The following ARID2 variants were observed in gnomAD, a reference collection of about 807,000 sequenced individuals.
ARID2 encodes the protein AT-rich interaction domain 2, also known as AT-rich interactive domain-containing protein 2.
In ARID2, 32 loss-of-function variants were observed where a neutral mutation model predicts 184.6. That is an observed-to-expected ratio of 0.17 (90% CI 0.13 to 0.23). ARID2 has a LOEUF of 0.23. Among genes scored for constraint, ARID2 ranks in the 10% least tolerant of loss-of-function variants. The probability of loss-of-function intolerance (pLI) is 1.00; values close to 1 mark genes in which losing one functional copy is unlikely to be tolerated. For synonymous variants in ARID2, 836 were observed against 772.6 expected (o/e 1.08, Z -1.36); for missense variants, 1,696 against 2,197.6 (o/e 0.77, Z 4.56).
chr12:45,851,968 A>G lies in ARID2; in HGVS notation c.3845A>G (p.Asp1282Gly), dbSNP rs778526359. 6 of 1,613,904 alleles carry G rather than the reference A, an allele frequency of 3.7e-6. No homozygotes were observed. The East Asian group carries it at 8.9e-5, about 24-fold the overall frequency. The change falls in exon 15 of 21, where the codon GAT (aspartate) becomes GGT (glycine). Residue 1282 changes from aspartate (D) to glycine (G), a missense_variant. Around this residue, in one of 11 missense-constraint regions of ARID2, gnomAD observed 428 missense variants for 409.1 expected, o/e 1.05. Transcript: ENST00000334344. ...GGAGCCACAAACACCAGCAATGGGG[A>G]TACAAAGGAAAATGAAATGCATGTG... Reference protein sequence around the residue: ...RRGATNTSNGDTKENEMHVGS... With the variant: ...RRGATNTSNGGTKENEMHVGS...
At chr12:45,861,027 T>C (rs1943737217) in intron 16 of ARID2, 78 bp downstream of exon 16, 3 of 1,300,060 alleles carry the variant, frequency 2.3e-6, no homozygotes, top group African/African-American at 3.0e-5. Flanking sequence ...CTGTCATCTA[T>C]AGTTGCATGA....
At chr12:45,873,401 T>G (rs1592134721) in intron 16 of ARID2, among the ~76,000 whole-genome samples, 1 of 152,366 alleles carries the variant, frequency 6.6e-6, no homozygotes, top group Non-Finnish European at 1.5e-5. Flanking sequence ...TTGTTCTTTT[T>G]CTGCTGTCCC....
At position 45,887,254 on chromosome 12, in the gene ARID2, A is replaced by G. The variant is rs140760879; in HGVS notation, c.4923-4526A>G. ...TAGTGATGATGTAACTGAAAAATAT[A>G]TATATATTTTAAATCGCCAGTGACT... is the stretch of plus-strand genomic sequence containing the variant. On this transcript the variant is annotated intron_variant, in intron 16 of 20. Coordinates refer to ENST00000334344, the MANE Select transcript of ARID2 (RefSeq NM_152641.4). Among the ~76,000 whole-genome samples, 24 of 152,312 alleles carry G rather than the reference A, an allele frequency of 1.6e-4. No homozygotes were observed. In the East Asian group the frequency reaches 3.9e-3, roughly 24 times the overall value.
chr12:45,734,062 A>G (rs567653941), intron 3 of ARID2, among the ~76,000 whole-genome samples: 33 of 152,370 alleles, frequency 2.2e-4, no homozygotes, highest in Middle Eastern at 3.4e-3. Context: ...GATAATGTGT[A>G]AAAGCAGTCT....
intron 20 of ARID2, among the ~76,000 whole-genome samples, chr12:45,896,558 G>A (rs376769887): frequency 3.9e-5 from 6 of 152,254 alleles, no homozygotes; most frequent in Non-Finnish European, 8.8e-5. Context: ...CATGTGAGAC[G>A]TACTTTTCAC....
At chr12:45,869,621 G>C (rs900771492) in intron 16 of ARID2, among the ~76,000 whole-genome samples, 1 of 151,970 alleles carries the variant, frequency 6.6e-6, no homozygotes, top group African/African-American at 2.4e-5. Context: ...CGTGGCTCAT[G>C]CTTGTAATTT....
intron 15 of ARID2, among the ~76,000 whole-genome samples, chr12:45,860,219 G>A (rs1040008523): frequency 1.3e-5 from 2 of 152,140 alleles, no homozygotes; most frequent in Non-Finnish European, 2.9e-5. Flanking sequence ...GACCGACCCT[G>A]TCTCTAAAAA....
intron 16 of ARID2, among the ~76,000 whole-genome samples, chr12:45,864,666 A>G (rs1943805737): frequency 6.6e-6 from 1 of 152,200 alleles, no homozygotes; most frequent in South Asian, 2.1e-4. Context: ...GTTTCACTAT[A>G]TGAAGACCAC....
intron 2 of ARID2, among the ~76,000 whole-genome samples, chr12:45,730,383 C>G (rs912267962): frequency 3.6e-4 from 53 of 145,634 alleles, no homozygotes; most frequent in African/African-American, 1.3e-3. Context: ...GCGCCCTGCC[C>G]GGTGCCCGGT....
At chr12:45,743,646 C>T (rs375576088) in intron 3 of ARID2, among the ~76,000 whole-genome samples, 1 of 151,750 alleles carries the variant, frequency 6.6e-6, no homozygotes, top group African/African-American at 2.4e-5. Context: ...TCAGTTTGTT[C>T]TAGTTCCAGA....
chr12:45,822,596 T>C (rs1223611655), intron 6 of ARID2, among the ~76,000 whole-genome samples: 2 of 152,092 alleles, frequency 1.3e-5, no homozygotes, highest in East Asian at 3.8e-4. Context: ...AGCATGGTGT[T>C]TTAGGGAACT....
intron 16 of ARID2, among the ~76,000 whole-genome samples, chr12:45,878,094 TCTC>T (rs892879262): frequency 2.6e-5 from 4 of 152,228 alleles, no homozygotes; most frequent in Non-Finnish European, 4.4e-5. Flanking sequence ...AGTGTATTCT[TCTC>T]CTTGTCCTTC....
At chr12:45,748,784 C>T (rs1941406649) in intron 3 of ARID2, among the ~76,000 whole-genome samples, 1 of 152,196 alleles carries the variant, frequency 6.6e-6, no homozygotes, top group Admixed American at 6.5e-5. Context: ...AGAATACATT[C>T]TATCTCAATA....
chr12:45,786,382 A>G (rs1263357195), intron 3 of ARID2, among the ~76,000 whole-genome samples: 1 of 152,210 alleles, frequency 6.6e-6, no homozygotes, highest in Non-Finnish European at 1.5e-5. Flanking sequence ...TAATATGACA[A>G]TATGATTTAA....
intron 6 of ARID2, among the ~76,000 whole-genome samples, chr12:45,835,177 T>C (rs1279521946): frequency 1.3e-5 from 2 of 152,212 alleles, no homozygotes; most frequent in Non-Finnish European, 2.9e-5. Flanking sequence ...TTTAGTTATG[T>C]TTTTCAGTTG....
At chr12:45,889,422 G>A (rs747250023) in intron 16 of ARID2, among the ~76,000 whole-genome samples, 1 of 152,050 alleles carries the variant, frequency 6.6e-6, no homozygotes, top group Admixed American at 6.6e-5. Flanking sequence ...TGAACATATT[G>A]TTTATGATTT....
chr12:45,839,568 A>C, intron 11 of ARID2, 72 bp downstream of exon 11: 13 of 1,511,744 alleles, frequency 8.6e-6, no homozygotes, highest in Non-Finnish European at 1.1e-5. Context: ...AATAAATTTC[A>C]ATGTGCAGTA....
intron 3 of ARID2, among the ~76,000 whole-genome samples, chr12:45,765,902 T>C (rs1941762300): frequency 6.6e-6 from 1 of 152,204 alleles, no homozygotes; most frequent in African/African-American, 2.4e-5. Context: ...GTTTGCATTT[T>C]CTAGGATTTT....
rs769386157 is a variant in ARID2 at position 45,905,564 on chromosome 12, G to A, written c.*486G>A. The A allele has an allele frequency of 1.3e-5, 3 of 233,210 alleles. No individual in the cohort carries two copies. The highest frequency in any genetic ancestry group is 2.5e-5 in the Non-Finnish European group (3 of 117,898). 14.4% of individuals were successfully genotyped at this position (233,210 alleles called of 1,614,324 possible). A position where few individuals can be genotyped will look rare whatever the true frequency, so the allele number is the denominator to read the frequency against. The stretch of plus-strand genomic sequence containing the variant: ...CACACCTATACCCCCGATCTCAGAG[G>A]GGGCCACCAATATCTAGCTATGGAT... On this transcript the variant is annotated 3_prime_UTR_variant, in exon 21 of 21. Coordinates refer to ENST00000334344, the MANE Select transcript of ARID2 (RefSeq NM_152641.4).
Sources: gnomAD v4.1 joint callset for allele counts (sites outside exome capture counted in the v4.1 genomes callset) on GRCh38, gnomAD v4.1.1 for gene constraint, gnomAD v4.1.1 regional missense constraint, MANE v1.5 for transcripts, NCBI Gene and HGNC (gene_info 2026-07-23, HGNC 2026-07-21) for gene names.